STK3: variants seen among roughly 807,000 people sequenced by gnomAD.
STK3 encodes the protein serine/threonine kinase 3.
Under a neutral mutation model 58.0 loss-of-function variants are expected in STK3, and 41 were observed. The observed-to-expected ratio is 0.71, with a 90% CI of 0.55 to 0.92. STK3 has a LOEUF of 0.92. Among genes scored for constraint, STK3 ranks in the 40% least tolerant of loss-of-function variants. STK3 has a pLI of 0.00. For missense variants in STK3, 479 were observed against 602.7 expected (o/e 0.79, Z 2.15); for synonymous variants, 170 against 191.0 (o/e 0.89, Z 0.91).
chr8:98,874,682 A>G (rs1337563792), intron 3 of STK3, among the ~76,000 whole-genome samples: 1 of 152,110 alleles, frequency 6.6e-6, no homozygotes, highest in Non-Finnish European at 1.5e-5. Flanking sequence ...GCTGGAGGGT[A>G]GTGGTGAGAT....
intron 2 of STK3, among the ~76,000 whole-genome samples, chr8:98,375,260 C>CA (rs1242487383): frequency 7.2e-4 from 92 of 127,894 alleles, no homozygotes; most frequent in East Asian, 5.6e-3. Context: ...GTTTCCAAAA[C>CA]AAAAAAAAAA....
chr8:98,654,588 T>A (rs565729923), intron 6 of STK3, among the ~76,000 whole-genome samples: 1 of 152,172 alleles, frequency 6.6e-6, no homozygotes. Context: ...GAAAACCCCA[T>A]TGTGTTAGCC....
chr8:98,477,702 C>CGGGGGGGGGGG (rs1286720911), intron 10 of STK3, among the ~76,000 whole-genome samples: 4 of 2,280 alleles, frequency 1.8e-3, no homozygotes, highest in Admixed American at 7.5e-3. Flanking sequence ...TCACACTTGG[C>CGGGGGGGGGGG]GGGGGGGGGG....
chr8:98,413,869 G>A (rs372516439), intron 3 of STK3: 3 of 500,316 alleles, frequency 6.0e-6, no homozygotes, highest in East Asian at 8.3e-5. Flanking sequence ...GTGTCAAGAG[G>A]GAGTTTTCGT....
intron 4 of STK3, among the ~76,000 whole-genome samples, chr8:98,732,387 C>A (rs1363595993): frequency 1.3e-5 from 2 of 151,986 alleles, no homozygotes; most frequent in South Asian, 4.1e-4. Context: ...GGGGAAAAAA[C>A]CTACAAATAA....
intron 3 of STK3, among the ~76,000 whole-genome samples, chr8:98,762,028 C>T (rs1382469948): frequency 6.6e-6 from 1 of 152,136 alleles, no homozygotes; most frequent in Non-Finnish European, 1.5e-5. Flanking sequence ...GCAAATCTAA[C>T]TCATCAATCA....
chr8:98,751,659 T>C (rs548266921), intron 3 of STK3, among the ~76,000 whole-genome samples: 1 of 152,220 alleles, frequency 6.6e-6, no homozygotes, highest in Non-Finnish European at 1.5e-5. Flanking sequence ...ATAATCAATA[T>C]CATTAAAATG....
intron 8 of STK3, among the ~76,000 whole-genome samples, chr8:98,560,757 G>A (rs940638079): frequency 1.4e-4 from 21 of 152,126 alleles, no homozygotes; most frequent in African/African-American, 5.1e-4. Flanking sequence ...ATTTGGCCAG[G>A]AGAAGAGGCT....
intron 1 of STK3, among the ~76,000 whole-genome samples, chr8:98,904,304 G>A (rs1208997223): frequency 6.6e-6 from 1 of 152,088 alleles, no homozygotes; most frequent in Non-Finnish European, 1.5e-5. Context: ...GATAAGAGGG[G>A]TTCCACTGCA....
chr8:98,472,607 T>C (rs1282863928), intron 10 of STK3, among the ~76,000 whole-genome samples: 1 of 152,200 alleles, frequency 6.6e-6, no homozygotes, highest in Non-Finnish European at 1.5e-5. Flanking sequence ...AGATGATTAA[T>C]GAGGCTTACA....
intron 3 of STK3, among the ~76,000 whole-genome samples, chr8:98,756,173 TAAAG>T (rs1000947934): frequency 9.3e-5 from 14 of 149,798 alleles, no homozygotes; most frequent in Admixed American, 4.0e-4. Context: ...AATTAAAAAA[TAAAG>T]AAAGAAAGAA....
At chr8:98,711,592 T>C (rs945066693) in intron 4 of STK3, among the ~76,000 whole-genome samples, 2 of 151,998 alleles carry the variant, frequency 1.3e-5, no homozygotes, top group Admixed American at 6.5e-5. Flanking sequence ...GAAAAAAGAA[T>C]AAAAAGAAAT....
At chr8:98,538,781 A>C (rs1310103036) in intron 9 of STK3, among the ~76,000 whole-genome samples, 1 of 152,214 alleles carries the variant, frequency 6.6e-6, no homozygotes. Flanking sequence ...AAATGCATAC[A>C]CCAGCAGGTC....
intron 7 of STK3, among the ~76,000 whole-genome samples, chr8:98,587,446 C>A (rs900780200): frequency 2.0e-5 from 3 of 152,028 alleles, no homozygotes; most frequent in African/African-American, 7.3e-5. Context: ...AGTTTGATTG[C>A]ATTGTGGTCT....
At chr8:98,494,980 C>T (rs923565465) in intron 10 of STK3, among the ~76,000 whole-genome samples, 2 of 152,176 alleles carry the variant, frequency 1.3e-5, no homozygotes, top group Admixed American at 1.3e-4. Context: ...AAATTAAACA[C>T]CAGCTTTCTA....
intron 4 of STK3, among the ~76,000 whole-genome samples, chr8:98,743,621 C>G (rs992940805): frequency 1.3e-5 from 2 of 152,156 alleles, no homozygotes; most frequent in Admixed American, 1.3e-4. Flanking sequence ...AGACCTAAAA[C>G]CATAACAACC....
intron 3 of STK3, among the ~76,000 whole-genome samples, chr8:98,758,903 T>C (rs1330727874): frequency 2.0e-5 from 3 of 152,240 alleles, no homozygotes; most frequent in South Asian, 2.1e-4. Flanking sequence ...CTTCAAACTT[T>C]TGTTGCTTCC....
At chr8:98,809,864 C>T (rs147591678) in intron 1 of STK3, among the ~76,000 whole-genome samples, 20 of 152,238 alleles carry the variant, frequency 1.3e-4, no homozygotes, top group African/African-American at 3.4e-4. Context: ...TCCGTTCTGG[C>T]GCTGCTATAA....
chr8:98,653,554 T>G (rs942503041), intron 6 of STK3, among the ~76,000 whole-genome samples: 2 of 152,092 alleles, frequency 1.3e-5, no homozygotes, highest in African/African-American at 4.8e-5. Context: ...GCTGGTTTTT[T>G]GAAAGGATCA....
Sources: allele counts gnomAD v4.1 joint callset (sites outside exome capture counted in the v4.1 genomes callset), GRCh38; gene constraint gnomAD v4.1.1; transcripts MANE v1.5; gene names NCBI Gene and HGNC (gene_info 2026-07-23, HGNC 2026-07-21).